The following LRFN5 variants were observed in gnomAD, a reference collection of about 807,000 sequenced individuals.
The protein encoded by LRFN5 is leucine rich repeat and fibronectin type III domain containing 5, also known as leucine-rich repeat and fibronectin type-III domain-containing protein 5.
Under a neutral mutation model 45.6 loss-of-function variants are expected in LRFN5, and 24 were observed. That is an observed-to-expected ratio of 0.53 (90% CI 0.38 to 0.74). The LOEUF (loss-of-function observed/expected upper bound fraction) is 0.74, where lower values mean the gene tolerates loss of function less well. LRFN5 is among the 30% of genes least tolerant of loss of function. The pLI is 0.00. For synonymous variants in LRFN5, 340 were observed against 313.8 expected, an observed-to-expected ratio of 1.08 and a Z score of -0.88; for missense variants, 776 against 861.5, an observed-to-expected ratio of 0.90 and a Z score of 1.24.
intron 2 of LRFN5, among the ~76,000 whole-genome samples, chr14:41,810,931 G>T (rs1314940629): frequency 1.3e-5 from 2 of 151,624 alleles, no homozygotes; most frequent in East Asian, 1.9e-4. Flanking sequence ...GATGGTTGTG[G>T]TTTTTTTATG....
At chr14:41,903,966 C>G (rs1891173901) in intron 5 of LRFN5, among the ~76,000 whole-genome samples, 192 bp from the exon 6 acceptor site, 1 of 151,834 alleles carries the variant, frequency 6.6e-6, no homozygotes, top group African/African-American at 2.4e-5. Context: ...TACTAAGAAG[C>G]ATTTTATATG....
chr14:41,678,813 G>C (rs1268586592), intron 1 of LRFN5, among the ~76,000 whole-genome samples: 1 of 152,082 alleles, frequency 6.6e-6, no homozygotes, highest in Non-Finnish European at 1.5e-5. Context: ...CATGGTACCA[G>C]GTTTTAACTT....
intron 2 of LRFN5, among the ~76,000 whole-genome samples, chr14:41,769,151 T>G (rs924093011): frequency 1.1e-4 from 17 of 151,834 alleles, no homozygotes; most frequent in Non-Finnish European, 2.1e-4. Context: ...CATTGAAAAT[T>G]CATAGGACAT....
intron 2 of LRFN5, among the ~76,000 whole-genome samples, chr14:41,864,724 G>A (rs1889782071): frequency 6.6e-6 from 1 of 151,958 alleles, no homozygotes; most frequent in African/African-American, 2.4e-5. Context: ...TATTTTTATT[G>A]ATGTATTTTT....
At position 41,650,838 on chromosome 14, in the gene LRFN5, A is replaced by C. The variant is rs1880077891; in HGVS notation, c.-197+42276A>C. Among the ~76,000 whole-genome samples the C allele has an allele frequency of 3.3e-5, 5 of 149,850 alleles. No homozygotes were observed. In the South Asian group the frequency reaches 1.1e-3, roughly 32 times the overall value. ...GCTCTTAAGTAAAAGTAGACATGAT[A>C]GACTACACATGTAATGCAATCTCAT... On this transcript the variant is annotated intron_variant, in intron 1 of 5. Coordinates refer to ENST00000298119, the MANE Select transcript of LRFN5 (RefSeq NM_152447.5).
intron 2 of LRFN5, among the ~76,000 whole-genome samples, chr14:41,856,708 G>A (rs1317711675): frequency 4.3e-4 from 8 of 18,410 alleles, no homozygotes; most frequent in African/African-American, 1.2e-3. Flanking sequence ...ACGGAGTCTC[G>A]TTCTGTCGCC....
intron 5 of LRFN5, among the ~76,000 whole-genome samples, chr14:41,900,858 G>A (rs1891080447): frequency 6.6e-6 from 1 of 152,112 alleles, no homozygotes; most frequent in Non-Finnish European, 1.5e-5. Context: ...CTTTGTCATA[G>A]CCTTTCACAT....
intron 2 of LRFN5, among the ~76,000 whole-genome samples, chr14:41,786,923 C>A (rs991761385): frequency 1.3e-5 from 2 of 151,820 alleles, no homozygotes; most frequent in East Asian, 1.9e-4. Context: ...GCTATGAATA[C>A]CATCTTGTGT....
chr14:41,803,839 C>A (rs188041994), intron 2 of LRFN5, among the ~76,000 whole-genome samples: 17 of 152,124 alleles, frequency 1.1e-4, no homozygotes, highest in Admixed American at 3.9e-4. Flanking sequence ...GTAGAGCCAG[C>A]TAAACAGAAA....
At chr14:41,687,122 C>A (rs1234142237) in intron 1 of LRFN5, among the ~76,000 whole-genome samples, 4 of 152,032 alleles carry the variant, frequency 2.6e-5, no homozygotes, top group African/African-American at 9.7e-5. Flanking sequence ...AATATTTATA[C>A]TTTACAAGGG....
At chr14:41,864,465 GTCT>G (rs932954609) in intron 2 of LRFN5, among the ~76,000 whole-genome samples, 2 of 152,140 alleles carry the variant, frequency 1.3e-5, no homozygotes, top group South Asian at 4.1e-4. Flanking sequence ...CTACATAAAT[GTCT>G]TCTTTGAGAA....
At chr14:41,802,603 A>T (rs1362594959) in intron 2 of LRFN5, among the ~76,000 whole-genome samples, 3 of 152,158 alleles carry the variant, frequency 2.0e-5, no homozygotes, top group African/African-American at 4.8e-5. Flanking sequence ...AGAATAATTT[A>T]ATAGGCTAGG....
intron 2 of LRFN5, among the ~76,000 whole-genome samples, chr14:41,790,322 T>A (rs965132496): frequency 6.6e-6 from 1 of 151,580 alleles, no homozygotes; most frequent in Non-Finnish European, 1.5e-5. Context: ...TTGAGTCTTA[T>A]TTTTTTTCTT....
chr14:41,653,790 T>TTAA (rs1309593430), intron 1 of LRFN5, among the ~76,000 whole-genome samples: 1 of 152,014 alleles, frequency 6.6e-6, no homozygotes, highest in African/African-American at 2.4e-5. Flanking sequence ...AAAGATGGCC[T>TTAA]TAAGAAGGGC....
Position 41,825,036 on chromosome 14 carries a change from A to G in LRFN5, c.-21+58007A>G, listed in dbSNP as rs558789719. ...CTGTGGAAAATGCTTAGCCACAGCTATCTGCTGCAATGGCCTCTGGGCAGA... is the reference window on the plus strand; with the variant it reads ...CTGTGGAAAATGCTTAGCCACAGCTGTCTGCTGCAATGGCCTCTGGGCAGA... On this transcript the variant is annotated intron_variant, in intron 2 of 5. Transcript: ENST00000298119. Among the ~76,000 whole-genome samples, 4 of 152,320 alleles carry G rather than the reference A, an allele frequency of 2.6e-5. No individual in the cohort carries two copies. The East Asian group carries it at 7.7e-4, about 29-fold the overall frequency.
intron 2 of LRFN5, among the ~76,000 whole-genome samples, chr14:41,847,908 A>G (rs1342689089): frequency 2.0e-5 from 3 of 152,164 alleles, no homozygotes; most frequent in East Asian, 1.9e-4. Context: ...ACACTTTCTC[A>G]ATGACCACAA....
intron 1 of LRFN5, among the ~76,000 whole-genome samples, chr14:41,751,489 A>G (rs906548466): frequency 7.9e-5 from 12 of 152,082 alleles, no homozygotes; most frequent in African/African-American, 2.9e-4. Context: ...AGATATGTTC[A>G]AGGAGATGAG....
intron 1 of LRFN5, among the ~76,000 whole-genome samples, chr14:41,643,684 G>C (rs1594576150): frequency 6.6e-6 from 1 of 150,786 alleles, no homozygotes; most frequent in Non-Finnish European, 1.5e-5. Flanking sequence ...GCATGCACGT[G>C]AGAGTGCACA....
intron 2 of LRFN5, among the ~76,000 whole-genome samples, chr14:41,806,609 A>C (rs781360450): frequency 6.6e-6 from 1 of 152,204 alleles, no homozygotes; most frequent in Non-Finnish European, 1.5e-5. Context: ...TTATACTGGG[A>C]AAATGAGCCC....
Sources: allele counts gnomAD v4.1 joint callset (sites outside exome capture counted in the v4.1 genomes callset), GRCh38; gene constraint gnomAD v4.1.1; transcripts MANE v1.5; gene names NCBI Gene and HGNC (gene_info 2026-07-23, HGNC 2026-07-21).